GGT1: variants seen among roughly 807,000 people sequenced by gnomAD.
GGT1 encodes glutathione hydrolase 1 proenzyme.
Under a neutral mutation model 56.0 loss-of-function variants are expected in GGT1, and 21 were observed. That is an observed-to-expected ratio of 0.38 (90% CI 0.27 to 0.54). The LOEUF (loss-of-function observed/expected upper bound fraction) is 0.54, where lower values mean the gene tolerates loss of function less well. GGT1 is among the 20% of genes least tolerant of loss of function. The pLI is 0.82. For missense variants in GGT1, 466 were observed against 787.0 expected, an observed-to-expected ratio of 0.59 and a Z score of 4.88; for synonymous variants, 238 against 342.6, an observed-to-expected ratio of 0.69 and a Z score of 3.37.
upstream of GGT1, chr22:24,592,615 C>T (rs554554514): frequency 4.8e-5 from 26 of 544,074 alleles, no homozygotes; most frequent in South Asian, 4.8e-4. Context: ...CTCAGCAGCC[C>T]CCTCCTCCAC....
chr22:24,602,221 C>T (rs1478669434), upstream of GGT1, among the ~76,000 whole-genome samples: 1 of 152,162 alleles, frequency 6.6e-6, no homozygotes, highest in East Asian at 1.9e-4. Context: ...TTCCGCCTGG[C>T]AGGTCCTCCC....
At chr22:24,616,690 G>A (rs1390128666) in intron 7 of GGT1, among the ~76,000 whole-genome samples, 2 of 151,160 alleles carry the variant, frequency 1.3e-5, no homozygotes, top group East Asian at 2.0e-4. Context: ...GACTACAGGC[G>A]CCTGCCACCA....
intron 11 of GGT1, among the ~76,000 whole-genome samples, chr22:24,626,070 G>A (rs1328586557): frequency 7.7e-6 from 1 of 130,332 alleles, no homozygotes; most frequent in Non-Finnish European, 1.6e-5. Context: ...TCCGCTCACT[G>A]CAAGCTCCGC....
chr22:24,611,543 CATCT>C (rs60405110), intron 5 of GGT1, among the ~76,000 whole-genome samples: 15,419 of 118,722 alleles, frequency 0.13, 957 homozygotes, highest in East Asian at 0.16. Flanking sequence ...ATCTATCTAT[CATCT>C]ATCTATCTAT....
Position 24,620,891 on chromosome 22 carries a change from A to C in GGT1, c.576-22A>C, listed in dbSNP as rs751779705. On this transcript the variant is annotated intron_variant, in intron 8 of 15. Transcript: ENST00000400382. The surrounding 1 kb of genome is among the most constrained non-coding windows in gnomAD (Gnocchi z 5.6). ...CTGAGTCCACCCCACCTGCTGCCTC[A>C]CATGAGCCCCCTCTGCCCCAGTGAG... 5.0e-6 allele frequency: 8 copies of C among 1,611,152 alleles called. No individual in the cohort carries two copies. The highest frequency in any genetic ancestry group is 5.9e-6 in the Non-Finnish European group (7 of 1,179,402).
upstream of GGT1, among the ~76,000 whole-genome samples, chr22:24,594,393 G>GTGTGTA (rs1193809842): frequency 5.4e-5 from 5 of 92,110 alleles, no homozygotes; most frequent in Non-Finnish European, 1.3e-4. Context: ...CCGTGTGTAT[G>GTGTGTA]TGTGTGTGTG....
chr22:24,590,907 C>T (rs2045550023), upstream of GGT1, among the ~76,000 whole-genome samples: 1 of 152,196 alleles, frequency 6.6e-6, no homozygotes, highest in African/African-American at 2.4e-5. Context: ...CTCACCTAGT[C>T]ATCCCTTCTC....
intron 11 of GGT1, 151 bp downstream of exon 11, chr22:24,624,067 C>T: frequency 6.7e-7 from 1 of 1,499,428 alleles, no homozygotes; most frequent in African/African-American, 1.4e-5. Context: ...CTCGGATGGA[C>T]TCGTGGGTGA....
Position 24,621,012 on chromosome 22 carries a change from C to T in GGT1, c.675C>T (p.Ala225=), listed in dbSNP as rs1435778130. 6.2e-7 allele frequency: 1 copy of T among 1,610,404 alleles called. No homozygotes were observed. Among genetic ancestry groups the T allele is most frequent in the Non-Finnish European group, 8.5e-7 (1 of 1,179,130 alleles). Residue 225 remains alanine, a synonymous_variant, in exon 9 of 16, where the codon GCC becomes GCT. Transcript: ENST00000400382. ...ACGAGACGCTGGCCATCGAGGGTGC[C>T]CAGGCCTTCTACAACGGCAGCCTCA... ...DTYETLAIEG[A]QAFYNGSLTA...
chr22:24,619,437 G>C (rs1444845006), intron 7 of GGT1, among the ~76,000 whole-genome samples: 3 of 151,674 alleles, frequency 2.0e-5, no homozygotes, highest in Non-Finnish European at 2.9e-5. Flanking sequence ...TGTGTAGTGG[G>C]GTATGTCTGT....
chr22:24,588,777 T>G, the GGT1 span: 1 of 1,023,138 alleles, frequency 9.8e-7, no homozygotes, highest in South Asian at 4.0e-5. Context: ...GTGTTCTTCT[T>G]CCTCTCACTC....
At chr22:24,621,466 C>G (rs1346047241) in intron 9 of GGT1, among the ~76,000 whole-genome samples, 2 of 151,406 alleles carry the variant, frequency 1.3e-5, no homozygotes, top group East Asian at 3.9e-4. Flanking sequence ...TTTGATTCAC[C>G]AAGAGGGTTA....
At chr22:24,626,493 C>CTTATTTAT (rs1364923901) in intron 11 of GGT1, among the ~76,000 whole-genome samples, 1 of 149,436 alleles carries the variant, frequency 6.7e-6, no homozygotes, top group Non-Finnish European at 1.5e-5. Context: ...TGAACCCATG[C>CTTATTTAT]TTATTTATTT....
At position 24,628,230 on chromosome 22, in the gene GGT1, C is replaced by T. The variant is rs770731191; in HGVS notation, c.1449+37C>T. The stretch of plus-strand genomic sequence containing the variant: ...ACCTTTTCTCCCTGGCCGTGCCCAC[C>T]CTGCACAGCCCCCAAGCCATGCTGA... On this transcript the variant is annotated intron_variant, in intron 14 of 15. Transcript: ENST00000400382. The surrounding 1 kb of genome is among the most constrained non-coding windows in gnomAD (Gnocchi z 5.7). 11 of 1,611,860 alleles carry T rather than the reference C, an allele frequency of 6.8e-6. No individual in the cohort carries two copies. The highest frequency in any genetic ancestry group is 1.7e-5 in the Admixed American group (1 of 59,994).
At chr22:24,619,533 C>T (rs1252206741) in intron 7 of GGT1, among the ~76,000 whole-genome samples, 3 of 152,088 alleles carry the variant, frequency 2.0e-5, no homozygotes, top group East Asian at 3.8e-4. Context: ...TGCACCACTG[C>T]ACTCCAGCTG....
chr22:24,585,689 A>G, the GGT1 span: 1 of 639,866 alleles, frequency 1.6e-6, no homozygotes, highest in East Asian at 2.8e-5. Flanking sequence ...GGCCCCTCCC[A>G]CTGAGGGAAG....
At chr22:24,585,474 C>T in the GGT1 span, 5 of 203,958 alleles carry the variant, frequency 2.5e-5, no homozygotes, top group Middle Eastern at 2.1e-3. Flanking sequence ...AGGACCCCCA[C>T]ATCTTAGACT....
chr22:24,594,496 G>A (rs984318080), upstream of GGT1, among the ~76,000 whole-genome samples: 8 of 151,888 alleles, frequency 5.3e-5, no homozygotes, highest in African/African-American at 1.9e-4. Flanking sequence ...AGAGATGGCA[G>A]TGGGGAGAGG....
rs1472017452 is a variant in GGT1, at chr22:24,605,729, A to T, written c.-429+2202A>T. On this transcript the variant is annotated intron_variant, in intron 1 of 15. Coordinates refer to ENST00000400382, the MANE Select transcript of GGT1 (RefSeq NM_001288833.2). ...TTATATAATGTGTATTATATATTAT[A>T]TAATATTATATAATGTGTATTATAT... 1.3e-4 allele frequency among the ~76,000 whole-genome samples: 9 copies of T among 69,124 alleles called. 2 individuals carry two copies. Among genetic ancestry groups the T allele is most frequent in the East Asian group, 8.2e-4 (2 of 2,436 alleles). The allele number at this position is 69,124 out of a possible 152,430, so 45.3% of individuals were successfully genotyped here.
Sources: allele counts gnomAD v4.1 joint callset (sites outside exome capture counted in the v4.1 genomes callset), GRCh38; gene constraint gnomAD v4.1.1; non-coding constraint Gnocchi (gnomAD v3.1); transcripts MANE v1.5; gene names NCBI Gene and HGNC (gene_info 2026-07-23, HGNC 2026-07-21).